Variants in RBMS1 observed in about 807,000 individuals in gnomAD.
RBMS1 encodes the protein RNA-binding motif, single-stranded-interacting protein 1.
RBMS1 carries 17 observed loss-of-function variants against 62.3 expected under a neutral mutation model. The ratio of observed to expected loss-of-function variants is 0.27; its 90% CI spans 0.19 to 0.41. RBMS1 has a LOEUF of 0.41. RBMS1 is among the 10% of genes least tolerant of loss of function. The pLI is 1.00. For missense variants in RBMS1, 334 were observed against 504.5 expected (o/e 0.66, Z 3.24); for synonymous variants, 172 against 170.0 (o/e 1.01, Z -0.09).
chr2:160,358,252 A>G (rs1313723299), intron 2 of RBMS1, among the ~76,000 whole-genome samples: 3 of 152,106 alleles, frequency 2.0e-5, no homozygotes, highest in Non-Finnish European at 2.9e-5. Context: ...ACTCTTCAAC[A>G]TGGAACCTTA....
rs554604639 is a variant in RBMS1, at chr2:160,273,693, C to T, written c.*1079G>A. 1 of 152,014 alleles carries T rather than the reference C, an allele frequency of 6.6e-6. No individual in the cohort carries two copies. The highest frequency in any genetic ancestry group is 1.9e-4 in the East Asian group (1 of 5,182). 9.4% of individuals were successfully genotyped at this position (152,014 alleles called of 1,614,324 possible). ...TCATTAGTATAAAGGAAGGACAAAA[C>T]ATTCAGTGACTCCCCTCCCCCACCC... On this transcript the variant is annotated 3_prime_UTR_variant, in exon 14 of 14. Coordinates refer to ENST00000348849, the MANE Select transcript of RBMS1 (RefSeq NM_016836.4).
intron 2 of RBMS1, among the ~76,000 whole-genome samples, chr2:160,351,577 A>G (rs1287170200): frequency 6.6e-6 from 1 of 152,132 alleles, no homozygotes; most frequent in Admixed American, 6.6e-5. Flanking sequence ...ATCACATTTT[A>G]AAAAACTTTC....
chr2:160,369,399 A>G (rs1693600322), intron 1 of RBMS1, among the ~76,000 whole-genome samples: 1 of 152,216 alleles, frequency 6.6e-6, no homozygotes, highest in African/African-American at 2.4e-5. Context: ...CTGAGTTGCT[A>G]CCTGCCATCC....
intron 1 of RBMS1, among the ~76,000 whole-genome samples, chr2:160,406,166 G>C (rs1164092531): frequency 6.6e-6 from 1 of 152,048 alleles, no homozygotes; most frequent in Non-Finnish European, 1.5e-5. Flanking sequence ...CCACATCAAG[G>C]GCACACAGAC....
At chr2:160,484,261 C>G (rs1290556125) in intron 1 of RBMS1, among the ~76,000 whole-genome samples, 1 of 151,680 alleles carries the variant, frequency 6.6e-6, no homozygotes, top group Non-Finnish European at 1.5e-5. Context: ...TTTGGGAGGC[C>G]GAGGCGGGCA....
At chr2:160,341,453 A>T (rs190019882) in intron 2 of RBMS1, among the ~76,000 whole-genome samples, 1 of 152,182 alleles carries the variant, frequency 6.6e-6, no homozygotes, top group Admixed American at 6.5e-5. Context: ...ACTGAAGCTG[A>T]TTACTTGGTA....
At chr2:160,469,558 T>C (rs955995706) in intron 1 of RBMS1, among the ~76,000 whole-genome samples, 3 of 152,200 alleles carry the variant, frequency 2.0e-5, no homozygotes, top group African/African-American at 7.2e-5. Context: ...TCCAACGCTT[T>C]CTAGTTTCCC....
At chr2:160,295,047 C>T (rs1479163288) in intron 6 of RBMS1, among the ~76,000 whole-genome samples, 1 of 151,842 alleles carries the variant, frequency 6.6e-6, no homozygotes, top group Non-Finnish European at 1.5e-5. Flanking sequence ...AAAAAGAAGT[C>T]TAGAGAAGTT....
At chr2:160,447,140 C>A (rs1214333106) in intron 1 of RBMS1, among the ~76,000 whole-genome samples, 3 of 152,110 alleles carry the variant, frequency 2.0e-5, no homozygotes, top group Non-Finnish European at 4.4e-5. Context: ...AGTCCAGGGG[C>A]AGGGATAGTA....
At chr2:160,388,833 G>C (rs1694713748) in intron 1 of RBMS1, among the ~76,000 whole-genome samples, 1 of 152,246 alleles carries the variant, frequency 6.6e-6, no homozygotes, top group African/African-American at 2.4e-5. Context: ...AGGTTAACAG[G>C]TCTACAAACT....
At chr2:160,346,344 G>C (rs545715472) in intron 2 of RBMS1, among the ~76,000 whole-genome samples, 41 of 152,256 alleles carry the variant, frequency 2.7e-4, no homozygotes, top group African/African-American at 9.6e-4. Flanking sequence ...GTGCTGCATG[G>C]GGCCCTGGGG....
At chr2:160,342,811 G>T (rs145926750) in intron 2 of RBMS1, among the ~76,000 whole-genome samples, 346 of 150,758 alleles carry the variant, frequency 2.3e-3, no homozygotes, top group African/African-American at 8.1e-3. Flanking sequence ...GGTGGCAGGC[G>T]CTTGTAATCC....
intron 1 of RBMS1, chr2:160,493,072 G>T: frequency 1.9e-6 from 1 of 521,166 alleles, no homozygotes; most frequent in Non-Finnish European, 3.4e-6. Flanking sequence ...TCCCCCCGCG[G>T]CTTTCTGTAA....
chr2:160,478,802 T>C (rs1323367449), intron 1 of RBMS1, among the ~76,000 whole-genome samples: 1 of 152,238 alleles, frequency 6.6e-6, no homozygotes, highest in African/African-American at 2.4e-5. Flanking sequence ...GGCTTGTTGA[T>C]GCCACCTACT....
chr2:160,397,019 A>G (rs1342646647), intron 1 of RBMS1, among the ~76,000 whole-genome samples: 1 of 152,184 alleles, frequency 6.6e-6, no homozygotes, highest in Non-Finnish European at 1.5e-5. Context: ...CCTTTGGAAC[A>G]GTGCTCTCAA....
At chr2:160,487,258 C>A (rs963790335) in intron 1 of RBMS1, among the ~76,000 whole-genome samples, 3 of 152,150 alleles carry the variant, frequency 2.0e-5, no homozygotes, top group African/African-American at 7.2e-5. Flanking sequence ...TTTTCACTTT[C>A]TTGCAAAAGA....
At chr2:160,442,097 G>T (rs183855314) in intron 1 of RBMS1, among the ~76,000 whole-genome samples, 3 of 152,280 alleles carry the variant, frequency 2.0e-5, no homozygotes, top group Admixed American at 2.0e-4. Context: ...GTTGGAACCT[G>T]TCTATTCAGT....
intron 1 of RBMS1, 93 bp downstream of exon 1, chr2:160,493,196 G>A (rs1559620177): frequency 1.6e-6 from 2 of 1,224,368 alleles, no homozygotes; most frequent in Non-Finnish European, 2.3e-6. Flanking sequence ...GCGGTGGCGG[G>A]GGTTCGCCGC....
At chr2:160,323,985 T>C (rs372275813) in intron 2 of RBMS1, among the ~76,000 whole-genome samples, 138 of 152,350 alleles carry the variant, frequency 9.1e-4, no homozygotes, top group African/African-American at 3.1e-3. Context: ...CAATATAAAA[T>C]GTAGGTATAT....
Sources: gnomAD v4.1 joint callset for allele counts (sites outside exome capture counted in the v4.1 genomes callset) on GRCh38, gnomAD v4.1.1 for gene constraint, MANE v1.5 for transcripts, NCBI Gene and HGNC (gene_info 2026-07-23, HGNC 2026-07-21) for gene names.